Variants in LCA5 observed in about 807,000 individuals in gnomAD.
LCA5 encodes the protein lebercilin.
Under a neutral mutation model 53.0 loss-of-function variants are expected in LCA5, and 37 were observed. The observed-to-expected ratio is 0.70, with a 90% CI of 0.54 to 0.92. LCA5 has a LOEUF of 0.92. Ranked by LOEUF, LCA5 falls within the 40% of genes least tolerant of loss-of-function variation. LCA5 has a pLI of 0.00. For synonymous variants in LCA5, 303 were observed against 282.9 expected (o/e 1.07, Z -0.71); for missense variants, 806 against 790.5 (o/e 1.02, Z -0.23).
chr6:79,511,459 T>G (rs1770408133), intron 3 of LCA5, among the ~76,000 whole-genome samples: 1 of 152,148 alleles, frequency 6.6e-6, no homozygotes, highest in South Asian at 2.1e-4. Context: ...TGTCATAGGT[T>G]AGTGAGGGGA....
intron 4 of LCA5, 69 bp from the exon 5 acceptor site, chr6:79,492,716 T>C (rs938849534): frequency 5.0e-6 from 4 of 792,466 alleles, no homozygotes; most frequent in Non-Finnish European, 8.5e-6. Flanking sequence ...CCCCTCACTT[T>C]GTCATCTGGT....
At chr6:79,526,863 T>A (rs1046436110) in intron 1 of LCA5, among the ~76,000 whole-genome samples, 54 of 152,156 alleles carry the variant, frequency 3.5e-4, no homozygotes, top group African/African-American at 1.3e-3. Flanking sequence ...TACAAGCTAT[T>A]ATATGGGCTC....
chr6:79,486,384 G>A lies in LCA5; in HGVS notation c.*620C>T, dbSNP rs893500682. 5.9e-5 allele frequency: 9 copies of A among 152,270 alleles called. No homozygotes were observed. Among genetic ancestry groups the A allele is most frequent in the South Asian group, 2.1e-4 (1 of 4,834 alleles). The allele number at this position is 152,270 out of a possible 1,614,324, so 9.4% of individuals were successfully genotyped here. ...ACATAATATTCTAACAGAATTGTAG[G>A]TAAGTGATTTCAGTAAATACTGAAA... On this transcript the variant is annotated 3_prime_UTR_variant, in exon 8 of 8. Transcript: ENST00000369846.
chr6:79,538,340 A>G (rs1293496893), upstream of LCA5, among the ~76,000 whole-genome samples: 1 of 152,144 alleles, frequency 6.6e-6, no homozygotes, highest in African/African-American at 2.4e-5. Flanking sequence ...AAGATTGGTA[A>G]TTCCTGCTTC....
At chr6:79,521,166 G>A (rs1442826463) in intron 1 of LCA5, among the ~76,000 whole-genome samples, 3 of 152,120 alleles carry the variant, frequency 2.0e-5, no homozygotes, top group Non-Finnish European at 4.4e-5. Context: ...ACTGCTACAG[G>A]GGAAGGAAGG....
At chr6:79,527,569 C>T (rs995044531) in intron 1 of LCA5, among the ~76,000 whole-genome samples, 2 of 152,182 alleles carry the variant, frequency 1.3e-5, no homozygotes, top group East Asian at 1.9e-4. Flanking sequence ...CGCATGACTC[C>T]GCCCCAGCTG....
chr6:79,522,653 T>C (rs1221852215), intron 1 of LCA5, among the ~76,000 whole-genome samples: 2 of 152,174 alleles, frequency 1.3e-5, no homozygotes, highest in African/African-American at 4.8e-5. Flanking sequence ...TTACAATAAA[T>C]TGTATTAAAA....
At chr6:79,536,809 A>G (rs1415881280) in intron 1 of LCA5, among the ~76,000 whole-genome samples, 1 of 151,840 alleles carries the variant, frequency 6.6e-6, no homozygotes, top group African/African-American at 2.4e-5. Context: ...GTTTGTTTTA[A>G]TAACAACCAC....
intron 1 of LCA5, among the ~76,000 whole-genome samples, chr6:79,523,416 A>T (rs974968728): frequency 6.6e-6 from 1 of 152,216 alleles, no homozygotes; most frequent in East Asian, 1.9e-4. Flanking sequence ...TTACCTCTCA[A>T]TGTAAGTCTA....
chr6:79,485,242 A>T lies in LCA5; in HGVS notation c.*1762T>A, dbSNP rs1769614554. On this transcript the variant is annotated 3_prime_UTR_variant, in exon 8 of 8. Transcript: ENST00000369846. ...CAGGTAGAAAAAAAGCAAAAAACTAATTTAAATGACGTGAATAAAAAACTT... is the reference window on the plus strand; with the variant it reads ...CAGGTAGAAAAAAAGCAAAAAACTATTTTAAATGACGTGAATAAAAAACTT... 6.6e-6 allele frequency: 1 copy of T among 152,548 alleles called. No individual in the cohort carries two copies. The highest frequency in any genetic ancestry group is 2.4e-5 in the African/African-American group (1 of 41,444). 9.4% of individuals were successfully genotyped at this position (152,548 alleles called of 1,614,324 possible).
At chr6:79,502,185 T>C (rs1333757151) in intron 3 of LCA5, among the ~76,000 whole-genome samples, 2 of 152,124 alleles carry the variant, frequency 1.3e-5, no homozygotes, top group Non-Finnish European at 2.9e-5. Flanking sequence ...CAAAGTACAA[T>C]GAGAAAAGCT....
At chr6:79,492,368 A>G (rs1204840142) in intron 5 of LCA5, among the ~76,000 whole-genome samples, 183 bp downstream of exon 5, 1 of 146,282 alleles carries the variant, frequency 6.8e-6, no homozygotes, top group South Asian at 2.1e-4. Flanking sequence ...ACTTCAGGGG[A>G]AAAAAATGGA....
chr6:79,487,185 T>C lies in LCA5; in HGVS notation c.1913A>G (p.Asn638Ser). The C allele has an allele frequency of 6.2e-7, 1 of 1,614,024 alleles. No homozygotes were observed. The highest frequency in any genetic ancestry group is 1.1e-5 in the South Asian group (1 of 91,078). Reference protein sequence around the residue: ...ASSKGDIDPLNFLPGNKGSRD... With the variant: ...ASSKGDIDPLSFLPGNKGSRD... ...GCTGCCTTTATTCCCAGGGAGAAAATTTAGAGGGTCAATGTCTCCTTTACT... is the reference window on the plus strand; with the variant it reads ...GCTGCCTTTATTCCCAGGGAGAAAACTTAGAGGGTCAATGTCTCCTTTACT... The change falls in exon 8 of 8, where the codon AAT becomes AGT. Residue 638 changes from asparagine (N) to serine (S), a missense_variant. Asn to Ser is a conservative substitution (Grantham distance 46). Coordinates refer to ENST00000369846, the MANE Select transcript of LCA5 (RefSeq NM_001122769.3).
At chr6:79,499,801 C>A (rs1204384463) in intron 3 of LCA5, among the ~76,000 whole-genome samples, 1 of 151,176 alleles carries the variant, frequency 6.6e-6, no homozygotes, top group Non-Finnish European at 1.5e-5. Flanking sequence ...CCCATTAACT[C>A]GTCATTTAGC....
In LCA5 at chr6:79,487,497, C is replaced by T. The variant is rs1394586743; in HGVS notation, c.1601G>A (p.Gly534Glu). The change falls in exon 8 of 8, where the codon GGA (glycine) becomes GAA (glutamate). Residue 534 changes from glycine to glutamate, a missense_variant. Coordinates refer to ENST00000369846, the MANE Select transcript of LCA5 (RefSeq NM_001122769.3). ...LQDISFSTPK[G>E]EGQNSGNVRS... is the part of the protein sequence containing the mutation. ...AACATTTCCTGAATTCTGACCTTCT[C>T]CTTTTGGAGTTGAGAAACTGATGTC... is the stretch of plus-strand genomic sequence containing the variant. The T allele has an allele frequency of 5.0e-6, 8 of 1,614,000 alleles. No individual in the cohort carries two copies. Among genetic ancestry groups the T allele is most frequent in the Non-Finnish European group, 6.8e-6 (8 of 1,179,920 alleles).
At chr6:79,530,494 C>T (rs960408143) in intron 1 of LCA5, among the ~76,000 whole-genome samples, 6 of 152,082 alleles carry the variant, frequency 3.9e-5, no homozygotes, top group African/African-American at 1.4e-4. Flanking sequence ...TGCACATGTA[C>T]CCCTGAACTT....
chr6:79,492,443 A>T (rs1769869947), intron 5 of LCA5, 108 bp downstream of exon 5: 1 of 524,936 alleles, frequency 1.9e-6, no homozygotes, highest in Non-Finnish European at 3.4e-6. Context: ...CATTTATTTT[A>T]AATATATTTC....
In LCA5 at chr6:79,486,460, T is replaced by TC. The variant is rs1466148020; in HGVS notation, c.*543dup. 6.6e-6 allele frequency: 1 copy of TC among 152,448 alleles called. No homozygotes were observed. Among genetic ancestry groups the TC allele is most frequent in the Non-Finnish European group, 1.5e-5 (1 of 68,302 alleles). The allele number at this position is 152,448 out of a possible 1,614,324, so 9.4% of individuals were successfully genotyped here. On this transcript the variant is annotated 3_prime_UTR_variant, in exon 8 of 8. Transcript: ENST00000369846. ...TGGGTACTTTCAGAGGAATGGGAAA[T>TC]CCCAATGTTGTGACTGCTATCACTC...
At chr6:79,495,389 C>T (rs1365439203) in intron 3 of LCA5, among the ~76,000 whole-genome samples, 1 of 151,998 alleles carries the variant, frequency 6.6e-6, no homozygotes, top group African/African-American at 2.4e-5. Context: ...GGATTGGTTC[C>T]AGGACTCCTG....
Sources: gnomAD v4.1 joint callset for allele counts (sites outside exome capture counted in the v4.1 genomes callset) on GRCh38, gnomAD v4.1.1 for gene constraint, MANE v1.5 for transcripts, NCBI Gene and HGNC (gene_info 2026-07-23, HGNC 2026-07-21) for gene names.